Variants in SLC6A5 observed in about 807,000 individuals in gnomAD.
SLC6A5 encodes solute carrier family 6 member 5.
In SLC6A5, 58 loss-of-function variants were observed where a neutral mutation model predicts 90.5. The ratio of observed to expected loss-of-function variants is 0.64; its 90% confidence interval spans 0.52 to 0.80. SLC6A5 has a LOEUF of 0.80. SLC6A5 is among the 30% of genes least tolerant of loss of function. The pLI is 0.00. For synonymous variants in SLC6A5, 427 were observed against 401.4 expected, an observed-to-expected ratio of 1.06 and a Z score of -0.76; for missense variants, 1,015 against 1,017.6, an observed-to-expected ratio of 1.00 and a Z score of 0.03.
rs138468905 is a variant in SLC6A5, at chr11:20,599,792, C to T, written c.3+117C>T. 516 of 1,186,250 alleles carry T rather than the reference C, an allele frequency of 4.3e-4. 1 individual carries two copies. In the African/African-American group the frequency reaches 6.7e-3, roughly 15 times the overall value. 73.5% of individuals were successfully genotyped at this position (1,186,250 alleles called of 1,614,324 possible). On this transcript the variant is annotated intron_variant, in intron 1 of 15. Coordinates refer to ENST00000525748, the MANE Select transcript of SLC6A5 (RefSeq NM_004211.5). ...GTGCATTGGGTGGGGGGAAAGGGGG[C>T]GACGAGGAGAACAATTCTCGCAGCC...
At chr11:20,606,682 A>G (rs1390156059) in intron 3 of SLC6A5, among the ~76,000 whole-genome samples, 1 of 152,126 alleles carries the variant, frequency 6.6e-6, no homozygotes, top group East Asian at 1.9e-4. Flanking sequence ...GAGCTCTGGG[A>G]GGGCTTCATT....
chr11:20,621,204 G>A (rs1852882562), intron 7 of SLC6A5, among the ~76,000 whole-genome samples: 1 of 152,088 alleles, frequency 6.6e-6, no homozygotes, highest in Admixed American at 6.5e-5. Flanking sequence ...CATATAGTGG[G>A]GGAAAAAATC....
At chr11:20,653,059 C>A (rs1018941597) in intron 15 of SLC6A5, among the ~76,000 whole-genome samples, 5 of 152,160 alleles carry the variant, frequency 3.3e-5, no homozygotes, top group African/African-American at 4.8e-5. Context: ...TGTGAAGAAT[C>A]CCCACTGTCA....
At chr11:20,626,049 T>C (rs1852987103) in intron 7 of SLC6A5, among the ~76,000 whole-genome samples, 1 of 152,234 alleles carries the variant, frequency 6.6e-6, no homozygotes, top group Non-Finnish European at 1.5e-5. Context: ...TGACCTGCTG[T>C]TATAAATCAG....
At chr11:20,649,347 C>A (rs568522027) in intron 14 of SLC6A5, among the ~76,000 whole-genome samples, 7 of 152,164 alleles carry the variant, frequency 4.6e-5, no homozygotes, top group Non-Finnish European at 8.8e-5. Flanking sequence ...CCCTCCAGCA[C>A]CTTCTTTGGC....
chr11:20,654,196 G>A (rs1236648649), intron 15 of SLC6A5, among the ~76,000 whole-genome samples: 2 of 152,210 alleles, frequency 1.3e-5, no homozygotes, highest in East Asian at 1.9e-4. Flanking sequence ...CACTCTTGGC[G>A]ATGTATCTTT....
Position 20,656,083 on chromosome 11 carries a change from C to G in SLC6A5, c.*1215C>G, listed in dbSNP as rs938043159. On this transcript the variant is annotated 3_prime_UTR_variant, in exon 16 of 16. Coordinates refer to ENST00000525748, the MANE Select transcript of SLC6A5 (RefSeq NM_004211.5). ...TAGCCAATTCAATTTTAAGAGTTCC[C>G]TATTCACAGTACTCATTTTAACGGC... 3 of 152,186 alleles carry G rather than the reference C, an allele frequency of 2.0e-5. No individual in the cohort carries two copies. Among genetic ancestry groups the G allele is most frequent in the Admixed American group, 6.5e-5 (1 of 15,274 alleles). 9.4% of individuals were successfully genotyped at this position (152,186 alleles called of 1,614,324 possible).
chr11:20,617,629 G>A (rs1473052610), intron 6 of SLC6A5, 123 bp from the exon 7 acceptor site: 2 of 812,494 alleles, frequency 2.5e-6, no homozygotes, highest in African/African-American at 1.7e-5. Flanking sequence ...TGGTGGGGTG[G>A]GTGGAGGATG....
chr11:20,655,503 C>G lies in SLC6A5; in HGVS notation c.*635C>G, dbSNP rs887651018. On this transcript the variant is annotated 3_prime_UTR_variant, in exon 16 of 16. Transcript: ENST00000525748. ...TTACCACTAACTCAGATGCTACAGTCTACACATTGTGACTTTGATTGAACT... is the reference window on the plus strand; with the variant it reads ...TTACCACTAACTCAGATGCTACAGTGTACACATTGTGACTTTGATTGAACT... 3 of 154,112 alleles carry G rather than the reference C, an allele frequency of 1.9e-5. No individual in the cohort carries two copies. The highest frequency in any genetic ancestry group is 7.2e-5 in the African/African-American group (3 of 41,452). The allele number at this position is 154,112 out of a possible 1,614,324, so 9.5% of individuals were successfully genotyped here. A position where few individuals can be genotyped will look rare whatever the true frequency, so the allele number is the denominator to read the frequency against.
intron 14 of SLC6A5, among the ~76,000 whole-genome samples, chr11:20,648,006 T>C (rs963867095): frequency 1.1e-4 from 16 of 152,158 alleles, no homozygotes; most frequent in Non-Finnish European, 4.4e-5. Flanking sequence ...ACATTCTCAT[T>C]TTGTCACCTT....
chr11:20,652,225 A>G, intron 14 of SLC6A5, 64 bp from the exon 15 acceptor site: 7 of 1,445,112 alleles, frequency 4.8e-6, no homozygotes, highest in Non-Finnish European at 6.8e-6. Context: ...GGGGTTTAAT[A>G]GTGTTGAGTG....
chr11:20,608,304 T>G (rs571776172), intron 5 of SLC6A5, among the ~76,000 whole-genome samples: 2 of 152,242 alleles, frequency 1.3e-5, no homozygotes, highest in East Asian at 3.9e-4. Context: ...GTGAAATAGA[T>G]TGGGACTTGA....
At chr11:20,649,654 G>A (rs917928262) in intron 14 of SLC6A5, among the ~76,000 whole-genome samples, 11 of 152,266 alleles carry the variant, frequency 7.2e-5, no homozygotes, top group African/African-American at 1.4e-4. Context: ...CCCCTAAAAC[G>A]AAATTGATCA....
chr11:20,632,221 T>C (rs972307806), intron 10 of SLC6A5, among the ~76,000 whole-genome samples: 1 of 152,142 alleles, frequency 6.6e-6, no homozygotes, highest in African/African-American at 2.4e-5. Context: ...AGCAGATAGG[T>C]TCTGTCCCAT....
intron 7 of SLC6A5, among the ~76,000 whole-genome samples, chr11:20,626,109 T>C (rs895741565): frequency 3.3e-5 from 5 of 152,266 alleles, no homozygotes; most frequent in Non-Finnish European, 7.3e-5. Context: ...TCCTCACGAT[T>C]ATCTGTAAGA....
chr11:20,622,664 G>A (rs1390328247), intron 7 of SLC6A5, among the ~76,000 whole-genome samples: 1 of 152,204 alleles, frequency 6.6e-6, no homozygotes, highest in Non-Finnish European at 1.5e-5. Flanking sequence ...GGGAACTCAG[G>A]AGTGATGGTG....
intron 2 of SLC6A5, 90 bp downstream of exon 2, chr11:20,601,755 G>C: frequency 7.2e-7 from 1 of 1,396,228 alleles, no homozygotes; most frequent in Non-Finnish European, 9.9e-7. Context: ...CACGTATGCT[G>C]ATGGGGAAAC....
chr11:20,602,696 C>A (rs1274976880), intron 2 of SLC6A5, among the ~76,000 whole-genome samples: 2 of 93,580 alleles, frequency 2.1e-5, no homozygotes, highest in Non-Finnish European at 5.6e-5. Context: ...TGTTTGCACA[C>A]ACACACACAC....
intron 3 of SLC6A5, among the ~76,000 whole-genome samples, chr11:20,606,802 G>C (rs570542115): frequency 1.2e-4 from 19 of 152,256 alleles, no homozygotes; most frequent in African/African-American, 4.6e-4. Flanking sequence ...ATTTGCATGG[G>C]TACCCTTATA....
Sources: gnomAD v4.1 joint callset for allele counts (sites outside exome capture counted in the v4.1 genomes callset) on GRCh38, gnomAD v4.1.1 for gene constraint, MANE v1.5 for transcripts, NCBI Gene and HGNC (gene_info 2026-07-23, HGNC 2026-07-21) for gene names.